Variants in NBEA observed in about 807,000 individuals in gnomAD.
NBEA encodes the protein lysosomal-trafficking regulator 2.
Under a neutral mutation model 343.4 loss-of-function variants are expected in NBEA, and 44 were observed. The observed-to-expected ratio is 0.13, with a 90% CI of 0.10 to 0.16. The LOEUF is 0.16. NBEA is among the 10% of genes least tolerant of loss of function. NBEA has a pLI of 1.00. For missense variants in NBEA, 2,555 were observed against 3,631.3 expected (o/e 0.70, Z 7.62); for synonymous variants, 1,175 against 1,238.7 (o/e 0.95, Z 1.08).
intron 34 of NBEA, among the ~76,000 whole-genome samples, chr13:35,249,868 A>G (rs1487884111): frequency 6.6e-6 from 1 of 152,216 alleles, no homozygotes; most frequent in African/African-American, 2.4e-5. Flanking sequence ...AAAATGTAGT[A>G]TATACATACA....
At chr13:35,056,538 G>A (rs1386568914) in intron 7 of NBEA, among the ~76,000 whole-genome samples, 1 of 152,106 alleles carries the variant, frequency 6.6e-6, no homozygotes, top group African/African-American at 2.4e-5. Flanking sequence ...CAGGAAGTAG[G>A]TGTAGGGAAG....
chr13:35,635,018 G>A (rs552410145), intron 49 of NBEA, among the ~76,000 whole-genome samples: 1 of 152,244 alleles, frequency 6.6e-6, no homozygotes, highest in Non-Finnish European at 1.5e-5. Flanking sequence ...AACCAAAACA[G>A]CTGCAATGCT....
chr13:35,453,672 AT>A (rs1425516172), intron 40 of NBEA, among the ~76,000 whole-genome samples: 1 of 152,170 alleles, frequency 6.6e-6, no homozygotes, highest in East Asian at 1.9e-4. Flanking sequence ...TACAGTTCAA[AT>A]TAGACTCCCT....
At chr13:35,625,453 C>CAATACAAA (rs1266878208) in intron 48 of NBEA, among the ~76,000 whole-genome samples, 3 of 151,970 alleles carry the variant, frequency 2.0e-5, no homozygotes, top group Non-Finnish European at 2.9e-5. Flanking sequence ...CCTGTCCCTG[C>CAATACAAA]AATACAAAAA....
chr13:35,297,668 A>T (rs2152823001), intron 35 of NBEA, among the ~76,000 whole-genome samples: 1 of 152,078 alleles, frequency 6.6e-6, no homozygotes, highest in South Asian at 2.1e-4. Flanking sequence ...CATACTAAAG[A>T]TCACTTTATT....
At position 35,593,453 on chromosome 13, in the gene NBEA, C is replaced by T. The variant is rs1035338044; in HGVS notation, c.7296+6C>T. 8 of 1,589,388 alleles carry T rather than the reference C, an allele frequency of 5.0e-6. No homozygotes were observed. Among genetic ancestry groups the T allele is most frequent in the East Asian group, 2.2e-5 (1 of 44,616 alleles). ...GAGATACTTCTGATGTAAAGGTAGG[C>T]TCTTTTATTTGTTGATATTCATTAA... On this transcript the variant is annotated splice_donor_region_variant and intron_variant, in intron 47 of 58. Transcript: ENST00000379939.
At chr13:35,398,094 T>G (rs1036465600) in intron 38 of NBEA, among the ~76,000 whole-genome samples, 1 of 152,188 alleles carries the variant, frequency 6.6e-6, no homozygotes, top group Non-Finnish European at 1.5e-5. Context: ...AATGCTTTGT[T>G]GTCATTTCAA....
intron 17 of NBEA, among the ~76,000 whole-genome samples, chr13:35,130,041 G>T (rs186741757): frequency 1.5e-4 from 23 of 152,200 alleles, no homozygotes; most frequent in African/African-American, 5.5e-4. Context: ...AATGCTGTCT[G>T]TTAAAGGAAT....
At chr13:35,452,615 C>T (rs1192235132) in intron 40 of NBEA, among the ~76,000 whole-genome samples, 4 of 152,102 alleles carry the variant, frequency 2.6e-5, no homozygotes, top group African/African-American at 9.7e-5. Flanking sequence ...TCCCAGGTGC[C>T]AATTGAATTT....
chr13:35,244,165 A>T (rs1440667168), intron 34 of NBEA, among the ~76,000 whole-genome samples: 1 of 151,972 alleles, frequency 6.6e-6, no homozygotes, highest in Non-Finnish European at 1.5e-5. Flanking sequence ...CTTAAAAATA[A>T]AACAACATAT....
chr13:35,035,528 T>G (rs966849117), intron 1 of NBEA, among the ~76,000 whole-genome samples: 9 of 152,052 alleles, frequency 5.9e-5, no homozygotes, highest in Non-Finnish European at 1.2e-4. Flanking sequence ...TTAGCTCAAT[T>G]TGGTCTGTAG....
chr13:35,320,193 T>C (rs1308687720), intron 36 of NBEA, among the ~76,000 whole-genome samples: 1 of 152,232 alleles, frequency 6.6e-6, no homozygotes, highest in Non-Finnish European at 1.5e-5. Flanking sequence ...ATAGTGTCGA[T>C]GGACTTTACA....
intron 50 of NBEA, among the ~76,000 whole-genome samples, 152 bp from the exon 51 acceptor site, chr13:35,646,107 G>T (rs2084216424): frequency 6.6e-6 from 1 of 152,176 alleles, no homozygotes; most frequent in African/African-American, 2.4e-5. Context: ...ACTAACACTT[G>T]GATGATTCTG....
intron 1 of NBEA, among the ~76,000 whole-genome samples, chr13:34,957,489 A>G (rs1445410096): frequency 6.6e-6 from 1 of 152,190 alleles, no homozygotes; most frequent in Non-Finnish European, 1.5e-5. Flanking sequence ...TCCTTACTGA[A>G]TATTCAGCAG....
chr13:35,159,365 A>T lies in NBEA; in HGVS notation c.3194A>T (p.Glu1065Val). 6.2e-7 allele frequency: 1 copy of T among 1,613,500 alleles called. No individual in the cohort carries two copies. The change falls in exon 22 of 59, where the codon GAA (glutamate) becomes GTA (valine). Residue 1065 changes from glutamate to valine, a missense_variant. This residue lies in a region of NBEA where 367 missense variants were observed against 377.5 expected (regional missense o/e 0.97). Coordinates refer to ENST00000379939, the MANE Select transcript of NBEA (RefSeq NM_001385012.1). Reference sequence around the variant, plus strand: ...GTAGATATAAAAGCAGAGAAAGTGGAAGCAACAGAAGTAAAGCTCGATGAT... The same window carrying T: ...GTAGATATAAAAGCAGAGAAAGTGGTAGCAACAGAAGTAAAGCTCGATGAT... The part of the protein sequence containing the change: ...LLVDIKAEKV[E>V]ATEVKLDDMD...
chr13:35,549,828 C>A (rs968431170), intron 41 of NBEA, among the ~76,000 whole-genome samples: 1 of 152,196 alleles, frequency 6.6e-6, no homozygotes, highest in African/African-American at 2.4e-5. Context: ...TCAGGACTGG[C>A]TTAGACCATG....
chr13:35,633,973 C>T (rs936883891), intron 49 of NBEA, among the ~76,000 whole-genome samples: 2 of 152,170 alleles, frequency 1.3e-5, no homozygotes, highest in African/African-American at 4.8e-5. Flanking sequence ...TTGCAGCCCA[C>T]TTATTGCCTG....
At chr13:35,514,257 T>A (rs1452786503) in intron 41 of NBEA, among the ~76,000 whole-genome samples, 1 of 152,244 alleles carries the variant, frequency 6.6e-6, no homozygotes, top group Non-Finnish European at 1.5e-5. Context: ...TTTGCTGATG[T>A]GAAATGACGA....
intron 34 of NBEA, among the ~76,000 whole-genome samples, chr13:35,253,195 A>T (rs1367123969): frequency 1.3e-5 from 2 of 152,198 alleles, no homozygotes; most frequent in African/African-American, 4.8e-5. Flanking sequence ...AATAAAATAT[A>T]TACCCAGGAA....
Sources: allele counts gnomAD v4.1 joint callset (sites outside exome capture counted in the v4.1 genomes callset), GRCh38; gene constraint gnomAD v4.1.1; regional missense constraint gnomAD v4.1.1; transcripts MANE v1.5; gene names NCBI Gene and HGNC (gene_info 2026-07-23, HGNC 2026-07-21).